The following DNAH5 variants were observed in gnomAD, a reference collection of about 807,000 sequenced individuals.
DNAH5 encodes axonemal beta dynein heavy chain 5.
In DNAH5, 372 loss-of-function variants were observed where a neutral mutation model predicts 518.2. The ratio of observed to expected loss-of-function variants is 0.72; its 90% CI spans 0.66 to 0.78. The LOEUF (loss-of-function observed/expected upper bound fraction) is 0.78, where lower values mean the gene tolerates loss of function less well. Ranked by LOEUF, DNAH5 falls within the 30% of genes least tolerant of loss-of-function variation. The pLI is 0.00. For missense variants in DNAH5, 5,523 were observed against 5,687.0 expected, an observed-to-expected ratio of 0.97 and a Z score of 0.93; for synonymous variants, 2,039 against 2,025.9, an observed-to-expected ratio of 1.01 and a Z score of -0.17.
At position 13,780,817 on chromosome 5, in the gene DNAH5, A is replaced by G. The variant is rs771549190; in HGVS notation, c.8951+12T>C. On this transcript the variant is annotated intron_variant, in intron 53 of 78. Coordinates refer to ENST00000265104, the MANE Select transcript of DNAH5 (RefSeq NM_001369.3). ...AATCCATGTTAGGTTTGTTAAAGTAAAAGGTTGTCACCTCGTCAGAGTGAT... is the reference window on the plus strand; with the variant it reads ...AATCCATGTTAGGTTTGTTAAAGTAGAAGGTTGTCACCTCGTCAGAGTGAT... 2 of 1,613,332 alleles carry G rather than the reference A, an allele frequency of 1.2e-6. No homozygotes were observed. The highest frequency in any genetic ancestry group is 1.1e-5 in the South Asian group (1 of 91,064).
chr5:13,842,412 GAAAAGAAAAGA>G (rs1157159711), intron 32 of DNAH5, among the ~76,000 whole-genome samples: 1 of 73,928 alleles, frequency 1.4e-5, no homozygotes, highest in Non-Finnish European at 2.6e-5. Flanking sequence ...GAGCGAGAAA[GAAAAGAAAAGA>G]AAAGAAAGAA....
intron 70 of DNAH5, 133 bp from the exon 71 acceptor site, chr5:13,721,378 T>G: frequency 9.7e-7 from 1 of 1,030,606 alleles, no homozygotes; most frequent in Non-Finnish European, 1.5e-6. Context: ...GCAAACAGGG[T>G]AGAGACTGTT....
Position 13,829,515 on chromosome 5 carries a change from T to G in DNAH5, c.6439A>C (p.Lys2147Gln). The stretch of plus-strand genomic sequence containing the variant: ...AGACCTCCAGGATGACACACCTGCT[T>G]AGAAAGCTGCTCCTCACACAGTTTG... ...LYKLCEEQLS[K>Q]QVHYDFGLRN... The change falls in exon 38 of 79, where the codon AAG becomes CAG. Residue 2147 changes from lysine (K) to glutamine (Q), a missense_variant. Physicochemically the swap from Lys to Gln is moderately conservative, Grantham distance 53. Coordinates refer to ENST00000265104, the MANE Select transcript of DNAH5 (RefSeq NM_001369.3). The G allele has an allele frequency of 6.2e-7, 1 of 1,614,164 alleles. No homozygotes were observed.
chr5:13,917,361 G>T, intron 7 of DNAH5, 105 bp from the exon 8 acceptor site: 1 of 818,224 alleles, frequency 1.2e-6, no homozygotes, highest in Non-Finnish European at 2.1e-6. Context: ...GAGACCTTCT[G>T]TCCATCTCAC....
chr5:13,824,373 A>G (rs1381432716), intron 38 of DNAH5, 40 bp from the exon 39 acceptor site: 1 of 1,599,602 alleles, frequency 6.3e-7, no homozygotes, highest in Non-Finnish European at 8.6e-7. Context: ...TTTCAACATT[A>G]AAATACTTGC....
intron 1 of DNAH5, among the ~76,000 whole-genome samples, chr5:13,998,832 A>G (rs1784144263): frequency 1.3e-5 from 2 of 152,102 alleles, no homozygotes; most frequent in Non-Finnish European, 2.9e-5. Context: ...ACACATTCAT[A>G]TTGCTTGAGA....
intron 70 of DNAH5, among the ~76,000 whole-genome samples, chr5:13,724,382 C>T (rs1402709667): frequency 1.3e-5 from 2 of 152,174 alleles, no homozygotes; most frequent in Non-Finnish European, 2.9e-5. Context: ...TTACCCAATG[C>T]CTTACTACCA....
Position 13,914,650 on chromosome 5 carries a change from T to A in DNAH5, c.1198-8A>T, listed in dbSNP as rs1580867586. The A allele has an allele frequency of 6.2e-7, 1 of 1,612,568 alleles. No individual in the cohort carries two copies. Among genetic ancestry groups the A allele is most frequent in the East Asian group, 2.2e-5 (1 of 44,828 alleles). The stretch of plus-strand genomic sequence containing the variant: ...TATAATCTGATTTGTCACCTGGGAT[T>A]TTCCAATAAAATGATGTTAAGCACA... On this transcript the variant is annotated splice_polypyrimidine_tract_variant and splice_region_variant and intron_variant, in intron 9 of 78. Coordinates refer to ENST00000265104, the MANE Select transcript of DNAH5 (RefSeq NM_001369.3).
At position 13,737,461 on chromosome 5, in the gene DNAH5, T is replaced by A. The variant is rs34447134; in HGVS notation, c.11246A>T (p.Asp3749Val). 16 of 1,614,112 alleles carry A rather than the reference T, an allele frequency of 9.9e-6. No individual in the cohort carries two copies. Among genetic ancestry groups the A allele is most frequent in the African/African-American group, 8.0e-5 (6 of 75,062 alleles). Residue 3749 changes from aspartate to valine, a missense_variant, in exon 66 of 79, where the codon GAT (aspartate) becomes GTT (valine). Around this residue, in one of 3 missense-constraint regions of DNAH5, gnomAD observed 5,121 missense variants for 5,223.3 expected, o/e 0.98. Transcript: ENST00000265104. ...CATCCTTCTTTTGTTTGCAGTTACA[T>A]CTTCCATCAGATGAGTTCTTTCTTT... Reference protein sequence around the residue: ...LEKERTHLMEDVTANKRRMKE... With the variant: ...LEKERTHLMEVVTANKRRMKE...
intron 1 of DNAH5, among the ~76,000 whole-genome samples, chr5:13,944,172 C>T (rs149408249): frequency 6.6e-6 from 1 of 152,280 alleles, no homozygotes; most frequent in African/African-American, 2.4e-5. Context: ...TAAGCGGCAA[C>T]GTGCAGAAAA....
chr5:13,923,264 G>A lies in DNAH5; in HGVS notation c.438+16C>T, dbSNP rs1336116431. On this transcript the variant is annotated intron_variant, in intron 4 of 78. Coordinates refer to ENST00000265104, the MANE Select transcript of DNAH5 (RefSeq NM_001369.3). ...TTTTTGGTAATTCAGAGTAAACAAT[G>A]GCTCTTGCCCCTTACCTGGTGGATG... The A allele has an allele frequency of 6.2e-7, 1 of 1,614,084 alleles. No homozygotes were observed. The highest frequency in any genetic ancestry group is 1.1e-5 in the South Asian group (1 of 91,080).
rs1477900605 is a variant in DNAH5, at chr5:13,707,831, A to G, written c.13338+292T>C. Among the ~76,000 whole-genome samples, 9 of 152,138 alleles carry G rather than the reference A, an allele frequency of 5.9e-5. No homozygotes were observed. Among genetic ancestry groups the G allele is most frequent in the African/African-American group, 2.2e-4 (9 of 41,436 alleles). On this transcript the variant is annotated intron_variant, in intron 76 of 78. Transcript: ENST00000265104. This position sits in a 1 kb window ranked among gnomAD's most constrained non-coding sequence, Gnocchi z 4.0. ...ACTTAGATGTGTAATCTGAGAAAAG[A>G]CTTAACCTGTCCCAAACTTAAGTTT... is the stretch of plus-strand genomic sequence containing the variant.
chr5:13,788,637 T>C (rs1561261583), intron 51 of DNAH5, 79 bp downstream of exon 51: 8 of 1,245,144 alleles, frequency 6.4e-6, no homozygotes, highest in Non-Finnish European at 8.3e-6. Flanking sequence ...TCAACATCCA[T>C]AAACTGAATC....
At chr5:13,874,506 C>T (rs1770586341) in intron 22 of DNAH5, among the ~76,000 whole-genome samples, 1 of 151,940 alleles carries the variant, frequency 6.6e-6, no homozygotes. Flanking sequence ...ATTGTTTGGT[C>T]CAGCTCAACG....
At chr5:13,806,109 T>C (rs1759542445) in intron 47 of DNAH5, among the ~76,000 whole-genome samples, 1 of 152,200 alleles carries the variant, frequency 6.6e-6, no homozygotes, top group African/African-American at 2.4e-5. Context: ...GTTATAATTA[T>C]AACCTTTAAA....
intron 21 of DNAH5, among the ~76,000 whole-genome samples, chr5:13,881,306 C>T (rs140101227): frequency 7.7e-4 from 117 of 152,042 alleles, no homozygotes; most frequent in African/African-American, 2.5e-3. Flanking sequence ...ATATACCTAA[C>T]AGACAGAATA....
intron 21 of DNAH5, among the ~76,000 whole-genome samples, chr5:13,879,673 AAT>A (rs1196702221): frequency 1.3e-5 from 2 of 152,008 alleles, no homozygotes; most frequent in Non-Finnish European, 2.9e-5. Context: ...ACAAAAATTT[AAT>A]AGTTTCCACA....
chr5:13,871,871 T>G, intron 22 of DNAH5, 106 bp from the exon 23 acceptor site: 1 of 1,009,820 alleles, frequency 9.9e-7, no homozygotes, highest in Non-Finnish European at 1.5e-6. Context: ...TTTATTAAAA[T>G]GTTTAGTGAA....
At chr5:13,852,477 T>C (rs1398093948) in intron 30 of DNAH5, among the ~76,000 whole-genome samples, 1 of 152,168 alleles carries the variant, frequency 6.6e-6, no homozygotes, top group African/African-American at 2.4e-5. Context: ...AGTTTATTTT[T>C]TTTTTCGTAC....
Sources: allele counts gnomAD v4.1 joint callset (sites outside exome capture counted in the v4.1 genomes callset), GRCh38; gene constraint gnomAD v4.1.1; regional missense constraint gnomAD v4.1.1; non-coding constraint Gnocchi (gnomAD v3.1); transcripts MANE v1.5; gene names NCBI Gene and HGNC (gene_info 2026-07-23, HGNC 2026-07-21).